Variants in POLQ observed in about 807,000 individuals in gnomAD.
POLQ encodes the protein epididymis secretory sperm binding protein.
Under a neutral mutation model 259.2 loss-of-function variants are expected in POLQ, and 233 were observed. That is an observed-to-expected ratio of 0.90 (90% confidence interval 0.81 to 1.00). The LOEUF (loss-of-function observed/expected upper bound fraction) is 1.00. POLQ is among the 50% of genes least tolerant of loss of function. The pLI, the probability that POLQ is intolerant of heterozygous loss-of-function variation, is 0.00. For synonymous variants in POLQ, 1,025 were observed against 1,048.8 expected (o/e 0.98, Z 0.44); for missense variants, 2,871 against 3,051.6 (o/e 0.94, Z 1.39).
intron 24 of POLQ, among the ~76,000 whole-genome samples, chr3:121,467,085 G>A (rs999983240): frequency 5.3e-5 from 8 of 152,242 alleles, no homozygotes; most frequent in African/African-American, 1.9e-4. Context: ...AAGCAGCAGT[G>A]CAGAAAAAGA....
intron 26 of POLQ, among the ~76,000 whole-genome samples, 163 bp downstream of exon 26, chr3:121,449,152 C>T (rs1421822361): frequency 1.3e-5 from 2 of 152,136 alleles, no homozygotes; most frequent in African/African-American, 2.4e-5. Flanking sequence ...AAGATTATTA[C>T]ATCTTAGTAA....
At position 121,498,626 on chromosome 3, in the gene POLQ, T is replaced by A; in HGVS notation, c.2004A>T (p.Arg668=). Residue 668 remains arginine, a synonymous_variant, in exon 13 of 30, where the codon CGA becomes CGT. Coordinates refer to ENST00000264233, the MANE Select transcript of POLQ (RefSeq NM_199420.4). ...FEDWTTIDWY[R]FFCLWEKLPT... is the part of the protein sequence containing the mutation. ...GCAACTTCTCCCATAAACAGAAAAA[T>A]CGATACCAATCAATAGTAGTCCAAT... 6.2e-7 allele frequency: 1 copy of A among 1,613,844 alleles called. No homozygotes were observed. Among genetic ancestry groups the A allele is most frequent in the Non-Finnish European group, 8.5e-7 (1 of 1,179,750 alleles).
At position 121,459,369 on chromosome 3, in the gene POLQ, A is replaced by ATTTTT. The variant is rs58859161; in HGVS notation, c.7152+676_7152+680dup. Among the ~76,000 whole-genome samples, 261 of 104,748 alleles carry ATTTTT rather than the reference A, an allele frequency of 2.5e-3. 3 individuals are homozygous for ATTTTT. Among genetic ancestry groups the ATTTTT allele is most frequent in the Non-Finnish European group, 2.9e-3 (159 of 55,360 alleles). 68.7% of individuals were successfully genotyped at this position (104,748 alleles called of 152,430 possible). On this transcript the variant is annotated intron_variant, in intron 25 of 29. Transcript: ENST00000264233. ...CTCAGAACACTTACAGACTAGAAAG[A>ATTTTT]TTTTTTTTTTTTTTTTTTTTTTTGT...
chr3:121,519,393 A>C (rs556012877), intron 9 of POLQ, among the ~76,000 whole-genome samples: 1 of 143,472 alleles, frequency 7.0e-6, no homozygotes, highest in South Asian at 2.2e-4. Context: ...TATGAAAATT[A>C]TGCCAGGCGC....
At chr3:121,452,751 G>T (rs561622870) in intron 25 of POLQ, among the ~76,000 whole-genome samples, 2 of 152,190 alleles carry the variant, frequency 1.3e-5, no homozygotes, top group Admixed American at 1.3e-4. Context: ...AAACTGAGTG[G>T]AGCCCACCAC....
At chr3:121,460,518 C>A (rs766282626) in intron 24 of POLQ, among the ~76,000 whole-genome samples, 1 of 152,180 alleles carries the variant, frequency 6.6e-6, no homozygotes, top group Non-Finnish European at 1.5e-5. Context: ...CAGCACCTGG[C>A]ACATAATCCA....
chr3:121,435,949 C>A (rs899277318), intron 28 of POLQ, among the ~76,000 whole-genome samples, 173 bp downstream of exon 28: 3 of 151,830 alleles, frequency 2.0e-5, no homozygotes, highest in Admixed American at 1.3e-4. Context: ...TAGACATAAC[C>A]CACAAAAACA....
At chr3:121,522,279 G>C in intron 7 of POLQ, 130 bp from the exon 8 acceptor site, 1 of 153,046 alleles carries the variant, frequency 6.5e-6, no homozygotes, top group East Asian at 2.0e-4. Context: ...TAATCCCCTG[G>C]AGATCTTTTT....
intron 7 of POLQ, among the ~76,000 whole-genome samples, chr3:121,526,863 G>T (rs2048376640): frequency 7.5e-6 from 1 of 132,462 alleles, no homozygotes; most frequent in African/African-American, 3.0e-5. Flanking sequence ...GTGTGTGCGT[G>T]TGTGTCTCTG....
intron 19 of POLQ, among the ~76,000 whole-genome samples, chr3:121,480,402 C>T (rs1384020906): frequency 6.6e-6 from 1 of 152,116 alleles, no homozygotes; most frequent in Non-Finnish European, 1.5e-5. Flanking sequence ...TCTCCAAAAA[C>T]TTCCCTTATC....
chr3:121,471,536 G>A (rs377565917), intron 22 of POLQ, among the ~76,000 whole-genome samples: 5 of 152,178 alleles, frequency 3.3e-5, no homozygotes, highest in African/African-American at 9.7e-5. Flanking sequence ...GAGGTCAGGA[G>A]TTCGAGACCA....
chr3:121,520,192 A>G (rs1344549281), intron 8 of POLQ, 109 bp from the exon 9 acceptor site: 2 of 672,182 alleles, frequency 3.0e-6, no homozygotes, highest in African/African-American at 3.6e-5. Context: ...AGATTTTTGA[A>G]ACTATTGTTA....
At position 121,449,309 on chromosome 3, in the gene POLQ, A is replaced by C. The variant is rs1435208377; in HGVS notation, c.7264+6T>G. The C allele has an allele frequency of 2.3e-5, 30 of 1,324,244 alleles. No homozygotes were observed. The highest frequency in any genetic ancestry group is 3.4e-5 in the Admixed American group (2 of 59,332). The allele number at this position is 1,324,244 out of a possible 1,614,324, so 82.0% of individuals were successfully genotyped here. A position where few individuals can be genotyped will look rare whatever the true frequency, so the allele number is the denominator to read the frequency against. On this transcript the variant is annotated splice_donor_region_variant and intron_variant, in intron 26 of 29. Coordinates refer to ENST00000264233, the MANE Select transcript of POLQ (RefSeq NM_199420.4). ...TGAAAAGAATACTATCTAGAAGATA[A>C]ATTACCTGTGTATCTGGATTTGAAG...
At chr3:121,443,872 C>G (rs1358089725) in intron 26 of POLQ, among the ~76,000 whole-genome samples, 1 of 152,036 alleles carries the variant, frequency 6.6e-6, no homozygotes, top group African/African-American at 2.4e-5. Flanking sequence ...TTCTTGGTAC[C>G]TTTATTGAAA....
chr3:121,494,453 G>T, intron 14 of POLQ: 1 of 1,513,388 alleles, frequency 6.6e-7, no homozygotes, highest in East Asian at 2.3e-5. Flanking sequence ...GAGGCTGTTG[G>T]CCTGGGCCAA....
At chr3:121,486,209 T>A (rs2048009451) in intron 16 of POLQ, among the ~76,000 whole-genome samples, 1 of 152,242 alleles carries the variant, frequency 6.6e-6, no homozygotes, top group African/African-American at 2.4e-5. Flanking sequence ...ATTAGCAATG[T>A]AATTTTGTAA....
chr3:121,450,389 C>T (rs2047665177), intron 25 of POLQ, among the ~76,000 whole-genome samples: 1 of 149,184 alleles, frequency 6.7e-6, no homozygotes, highest in South Asian at 2.1e-4. Flanking sequence ...TTTTATTATA[C>T]TTTAAGTTCT....
chr3:121,539,361 A>G (rs1052652181), intron 4 of POLQ, 72 bp downstream of exon 4: 21 of 1,221,278 alleles, frequency 1.7e-5, no homozygotes, highest in Middle Eastern at 2.0e-4. Flanking sequence ...ACCTAGAGAA[A>G]TCACAACAGC....
At chr3:121,459,383 T>TTTTG (rs1560089432) in intron 25 of POLQ, among the ~76,000 whole-genome samples, 3 of 146,828 alleles carry the variant, frequency 2.0e-5, no homozygotes, top group Non-Finnish European at 3.0e-5. Flanking sequence ...TTTTTTTTTT[T>TTTTG]TTTTTTTTTG....
Sources: allele counts gnomAD v4.1 joint callset (sites outside exome capture counted in the v4.1 genomes callset), GRCh38; gene constraint gnomAD v4.1.1; transcripts MANE v1.5; gene names NCBI Gene and HGNC (gene_info 2026-07-23, HGNC 2026-07-21).